AIDA: variants seen among roughly 807,000 people sequenced by gnomAD.
AIDA encodes the protein axin interactor, dorsalization-associated protein.
In AIDA, 18 loss-of-function variants were observed where a neutral mutation model predicts 42.7. The ratio of observed to expected loss-of-function variants is 0.42; its 90% CI spans 0.29 to 0.63. AIDA has a LOEUF of 0.63. Among genes scored for constraint, AIDA ranks in the 20% least tolerant of loss-of-function variants. The probability of loss-of-function intolerance (pLI) is 0.19; values close to 1 mark genes in which losing one functional copy is unlikely to be tolerated. For missense variants in AIDA, 250 were observed against 354.1 expected (o/e 0.71, Z 2.36); for synonymous variants, 104 against 122.9 (o/e 0.85, Z 1.02).
At chr1:222,708,279 C>G (rs1168684526) in intron 1 of AIDA, among the ~76,000 whole-genome samples, 1 of 151,330 alleles carries the variant, frequency 6.6e-6, no homozygotes. Context: ...CCACTGCACT[C>G]CAGCCTGGGC....
At position 222,668,714 on chromosome 1, in the gene AIDA, T is replaced by C. The variant is rs1664388400; in HGVS notation, c.*1179A>G. The stretch of plus-strand genomic sequence containing the variant: ...CCCCTCATGCATTGCTCATTTAAAA[T>C]AGTGAATATTAAAATATGTGGGCTT... On this transcript the variant is annotated 3_prime_UTR_variant, in exon 10 of 10. Transcript: ENST00000340020. The C allele has an allele frequency of 7.9e-6, 1 of 127,088 alleles. No individual in the cohort carries two copies. The highest frequency in any genetic ancestry group is 2.2e-4 in the East Asian group (1 of 4,566). The allele number at this position is 127,088 out of a possible 1,614,324, so 7.9% of individuals were successfully genotyped here. A position where few individuals can be genotyped will look rare whatever the true frequency, so the allele number is the denominator to read the frequency against.
chr1:222,701,772 G>A (rs1042122694), intron 2 of AIDA, among the ~76,000 whole-genome samples: 5 of 152,112 alleles, frequency 3.3e-5, no homozygotes, highest in Admixed American at 1.3e-4. Flanking sequence ...CGCGCAGGCT[G>A]GAGTGCAGTG....
chr1:222,683,896 G>C (rs1345915003), intron 6 of AIDA, among the ~76,000 whole-genome samples: 1 of 152,110 alleles, frequency 6.6e-6, no homozygotes, highest in African/African-American at 2.4e-5. Flanking sequence ...TTAATATCAA[G>C]AAAGGTAAGT....
intron 1 of AIDA, among the ~76,000 whole-genome samples, chr1:222,706,848 G>A (rs1465234013): frequency 2.3e-5 from 3 of 130,440 alleles, no homozygotes; most frequent in African/African-American, 1.0e-4. Flanking sequence ...GAGTGGGACT[G>A]CGCCTCAAAA....
chr1:222,703,291 T>C (rs1346681618), intron 1 of AIDA, 74 bp from the exon 2 acceptor site: 2 of 1,153,246 alleles, frequency 1.7e-6, no homozygotes, highest in East Asian at 4.9e-5. Context: ...AATTTAAAGC[T>C]TTTTAACATG....
intron 2 of AIDA, among the ~76,000 whole-genome samples, chr1:222,694,845 T>A (rs1357203605): frequency 6.6e-6 from 1 of 152,196 alleles, no homozygotes; most frequent in Admixed American, 6.5e-5. Flanking sequence ...TTAGGAGAGA[T>A]AAGACACATA....
intron 4 of AIDA, among the ~76,000 whole-genome samples, chr1:222,691,629 G>A (rs1429593757): frequency 6.6e-6 from 1 of 152,002 alleles, no homozygotes; most frequent in Non-Finnish European, 1.5e-5. Flanking sequence ...CTTCGTACAT[G>A]ATAGCTCATT....
chr1:222,669,892 A>G lies in AIDA; in HGVS notation c.*1T>C, dbSNP rs751206484. On this transcript the variant is annotated 3_prime_UTR_variant, in exon 10 of 10. Coordinates refer to ENST00000340020, the MANE Select transcript of AIDA (RefSeq NM_022831.4). ...GAAGTTCCAGGTTCATCATGTCAGGATCATTCCTTGTGCAAAGTTTGATGT... is the reference window on the plus strand; with the variant it reads ...GAAGTTCCAGGTTCATCATGTCAGGGTCATTCCTTGTGCAAAGTTTGATGT... The G allele has an allele frequency of 1.9e-6, 3 of 1,609,902 alleles. No homozygotes were observed. In the East Asian group the frequency reaches 6.7e-5, roughly 36 times the overall value.
intron 2 of AIDA, among the ~76,000 whole-genome samples, chr1:222,702,849 G>A (rs1201569716): frequency 6.6e-6 from 1 of 152,232 alleles, no homozygotes; most frequent in Non-Finnish European, 1.5e-5. Context: ...TCACCAAAGT[G>A]TGGACTGGGT....
At chr1:222,680,569 A>C (rs961811590) in intron 6 of AIDA, among the ~76,000 whole-genome samples, 5 of 152,232 alleles carry the variant, frequency 3.3e-5, no homozygotes, top group African/African-American at 1.2e-4. Context: ...AAAAAAGTCC[A>C]TTTAATGATG....
At chr1:222,694,898 T>C (rs186127835) in intron 2 of AIDA, among the ~76,000 whole-genome samples, 21 of 152,308 alleles carry the variant, frequency 1.4e-4, no homozygotes, top group Admixed American at 2.6e-4. Context: ...TTGTATGAAC[T>C]TTAGCAAGGT....
At chr1:222,700,981 G>C (rs533891619) in intron 2 of AIDA, among the ~76,000 whole-genome samples, 7 of 144,708 alleles carry the variant, frequency 4.8e-5, no homozygotes, top group Non-Finnish European at 1.1e-4. Context: ...TGGGGGGGGG[G>C]GGACAGGGTC....
In AIDA at chr1:222,687,741, A is replaced by G. The variant is rs186621210; in HGVS notation, c.290-83T>C. The G allele has an allele frequency of 2.5e-4, 264 of 1,058,508 alleles. No homozygotes were observed. In the African/African-American group the frequency reaches 3.8e-3, roughly 15 times the overall value. The allele number at this position is 1,058,508 out of a possible 1,614,324, so 65.6% of individuals were successfully genotyped here. A position where few individuals can be genotyped will look rare whatever the true frequency, so the allele number is the denominator to read the frequency against. On this transcript the variant is annotated intron_variant, in intron 4 of 9. Transcript: ENST00000340020. ...ATCTTAAATGATTAATTTTTAATCA[A>G]TTTTATTGTGCATATTAATATATAT...
chr1:222,681,695 T>C (rs1664655733), intron 6 of AIDA, among the ~76,000 whole-genome samples: 2 of 152,120 alleles, frequency 1.3e-5, no homozygotes, highest in African/African-American at 4.8e-5. Context: ...TTTTGAAAAC[T>C]GTACAAGTGT....
chr1:222,676,011 C>T, intron 7 of AIDA, 85 bp downstream of exon 7: 1 of 1,434,158 alleles, frequency 7.0e-7, no homozygotes, highest in Non-Finnish European at 9.2e-7. Context: ...GACTCCCCGC[C>T]CCACCACCAA....
chr1:222,701,169 C>T (rs1655689048), intron 2 of AIDA, among the ~76,000 whole-genome samples: 1 of 152,016 alleles, frequency 6.6e-6, no homozygotes, highest in Admixed American at 6.6e-5. Context: ...CACCATGTTG[C>T]CCAGGCCGGT....
intron 4 of AIDA, among the ~76,000 whole-genome samples, chr1:222,693,258 A>G (rs1306266456): frequency 6.6e-6 from 1 of 152,292 alleles, no homozygotes; most frequent in South Asian, 2.1e-4. Flanking sequence ...ACTCTTGTGC[A>G]TTTGCCCATA....
In AIDA at chr1:222,687,014, C is replaced by T. The variant is rs1473853002; in HGVS notation, c.376G>A (p.Glu126Lys). The change falls in exon 6 of 10, where the codon GAA (glutamate) becomes AAA (lysine). Residue 126 changes from glutamate to lysine, a missense_variant. Glu to Lys is a moderately conservative substitution (Grantham distance 56, BLOSUM62 1). Around this residue, in one of 4 missense-constraint regions of AIDA, gnomAD observed 199 missense variants for 232.6 expected, o/e 0.86. Transcript: ENST00000340020. ...PLRRILAPGEEENLEFEEDEE... is the reference protein window; with the variant it reads ...PLRRILAPGEKENLEFEEDEE... ...TCTTCTTCAAATTCCAAATTCTCTT[C>T]TTCACCAGGTGCCAAAATTCTTCTA... is the stretch of plus-strand genomic sequence containing the variant. 1.2e-6 allele frequency: 2 copies of T among 1,613,398 alleles called. No homozygotes were observed. Among genetic ancestry groups the T allele is most frequent in the South Asian group, 2.2e-5 (2 of 90,952 alleles).
chr1:222,707,954 T>TACAG (rs1420145373), intron 1 of AIDA, among the ~76,000 whole-genome samples: 1 of 152,326 alleles, frequency 6.6e-6, no homozygotes, highest in African/African-American at 2.4e-5. Context: ...AGTAACAGTT[T>TACAG]ACAGACCATC....
Sources: gnomAD v4.1 joint callset for allele counts (sites outside exome capture counted in the v4.1 genomes callset) on GRCh38, gnomAD v4.1.1 for gene constraint, gnomAD v4.1.1 regional missense constraint, MANE v1.5 for transcripts, NCBI Gene and HGNC (gene_info 2026-07-23, HGNC 2026-07-21) for gene names.